Variants in KLHL32 observed in about 807,000 individuals in gnomAD.
KLHL32 encodes the protein kelch like family member 32, also known as kelch-like protein 32.
KLHL32 carries 35 observed loss-of-function variants against 64.8 expected under a neutral mutation model. That is an observed-to-expected ratio of 0.54 (90% CI 0.41 to 0.72). KLHL32 has a LOEUF of 0.72. Among genes scored for constraint, KLHL32 ranks in the 30% least tolerant of loss-of-function variants. The pLI, the probability that KLHL32 is intolerant of heterozygous loss-of-function variation, is 0.00. For missense variants in KLHL32, 589 were observed against 768.5 expected (o/e 0.77, Z 2.76); for synonymous variants, 259 against 281.0 (o/e 0.92, Z 0.78).
chr6:97,046,601 A>G (rs1185293533), intron 4 of KLHL32, among the ~76,000 whole-genome samples: 1 of 152,226 alleles, frequency 6.6e-6, no homozygotes, highest in Non-Finnish European at 1.5e-5. Context: ...TTCTTGAACA[A>G]CATCCAAGAA....
intron 4 of KLHL32, among the ~76,000 whole-genome samples, chr6:97,042,774 A>G (rs1410788899): frequency 6.6e-6 from 1 of 152,262 alleles, no homozygotes; most frequent in East Asian, 1.9e-4. Flanking sequence ...CCTTTGATCA[A>G]CATCTCCCAT....
chr6:97,067,337 A>T (rs531382876), intron 5 of KLHL32, among the ~76,000 whole-genome samples: 155 of 152,328 alleles, frequency 1.0e-3, no homozygotes, highest in Non-Finnish European at 2.1e-3. Flanking sequence ...CTCTGTGTCA[A>T]TGAGGACAGC....
chr6:97,081,454 T>G (rs1376102545), intron 5 of KLHL32, among the ~76,000 whole-genome samples: 3 of 152,212 alleles, frequency 2.0e-5, no homozygotes, highest in Non-Finnish European at 4.4e-5. Flanking sequence ...TGGCTAGCCC[T>G]GGGAGGGGCA....
chr6:97,007,737 A>C (rs1779844781), intron 3 of KLHL32, among the ~76,000 whole-genome samples: 1 of 152,098 alleles, frequency 6.6e-6, no homozygotes. Flanking sequence ...CATTTGTGGA[A>C]GATTTTATGA....
chr6:96,956,111 C>T (rs1331982852), intron 1 of KLHL32, among the ~76,000 whole-genome samples: 1 of 152,130 alleles, frequency 6.6e-6, no homozygotes, highest in Non-Finnish European at 1.5e-5. Context: ...TGCTGGGAAT[C>T]TCCCCTTTTT....
chr6:96,959,265 C>G (rs1286437647), intron 1 of KLHL32, among the ~76,000 whole-genome samples: 1 of 152,146 alleles, frequency 6.6e-6, no homozygotes, highest in Non-Finnish European at 1.5e-5. Context: ...CATCCCAGAC[C>G]TGGAGGTAGT....
the KLHL32 span, among the ~76,000 whole-genome samples, chr6:96,903,530 G>A: frequency 1.3e-5 from 2 of 152,202 alleles, no homozygotes; most frequent in Non-Finnish European, 2.9e-5. Context: ...GAGAGAACCT[G>A]CAAGGAGGCC....
In KLHL32 at chr6:97,140,457, T is replaced by C. The variant is rs138590395; in HGVS notation, c.*1175T>C. The C allele has an allele frequency of 8.0e-4, 121 of 152,198 alleles. No homozygotes were observed. Among genetic ancestry groups the C allele is most frequent in the African/African-American group, 2.9e-3 (120 of 41,576 alleles). The allele number at this position is 152,198 out of a possible 1,614,324, so 9.4% of individuals were successfully genotyped here. Reference sequence around the variant, plus strand: ...CATATTTTATTACTATCTCTTTTAATAATGCATAGGAATTCTTTTTTAGAC... The same window carrying C: ...CATATTTTATTACTATCTCTTTTAACAATGCATAGGAATTCTTTTTTAGAC... On this transcript the variant is annotated 3_prime_UTR_variant, in exon 11 of 11. Coordinates refer to ENST00000369261, the MANE Select transcript of KLHL32 (RefSeq NM_052904.4).
chr6:96,960,220 A>C (rs191566978), intron 1 of KLHL32, among the ~76,000 whole-genome samples: 11 of 152,318 alleles, frequency 7.2e-5, no homozygotes, highest in African/African-American at 2.4e-4. Context: ...TTAACACGAC[A>C]CTGAGAAAGG....
At chr6:96,941,978 G>A (rs1771346372) in intron 1 of KLHL32, among the ~76,000 whole-genome samples, 1 of 152,172 alleles carries the variant, frequency 6.6e-6, no homozygotes, top group Admixed American at 6.5e-5. Context: ...TGGTCTCAGA[G>A]AAAGAATGCA....
the KLHL32 span, among the ~76,000 whole-genome samples, chr6:96,906,442 C>T: frequency 2.6e-5 from 4 of 151,838 alleles, no homozygotes; most frequent in East Asian, 1.9e-4. Context: ...TTAAAATGAT[C>T]GGAAAGAGTC....
chr6:97,010,495 A>G (rs1201566575), intron 3 of KLHL32, among the ~76,000 whole-genome samples: 2 of 152,214 alleles, frequency 1.3e-5, no homozygotes, highest in African/African-American at 4.8e-5. Flanking sequence ...ATTGAATCCT[A>G]TATAGTGCAT....
At chr6:97,020,417 C>A (rs755125608) in intron 3 of KLHL32, among the ~76,000 whole-genome samples, 1 of 150,798 alleles carries the variant, frequency 6.6e-6, no homozygotes, top group Non-Finnish European at 1.5e-5. Flanking sequence ...ATCTTGGTAA[C>A]AAGTTTATAG....
intron 1 of KLHL32, among the ~76,000 whole-genome samples, chr6:96,963,247 G>C (rs1039639429): frequency 1.3e-5 from 2 of 152,140 alleles, no homozygotes; most frequent in African/African-American, 4.8e-5. Context: ...AAAGGAAAAG[G>C]GGTTTGGGGC....
In KLHL32 at chr6:96,965,514, A is replaced by G. The variant is rs540216678; in HGVS notation, c.-65-1482A>G. 1.4e-4 allele frequency among the ~76,000 whole-genome samples: 21 copies of G among 152,318 alleles called. No homozygotes were observed. In the South Asian group the frequency reaches 3.5e-3, roughly 26 times the overall value. On this transcript the variant is annotated intron_variant, in intron 1 of 10. Transcript: ENST00000369261. ...TTTAACTTTAGGATTTTTGCTCTCC[A>G]TTCAGTTGTTGGGAGTGTTTTAAAA...
chr6:96,934,850 T>C (rs1448743432), intron 1 of KLHL32, among the ~76,000 whole-genome samples: 1 of 152,210 alleles, frequency 6.6e-6, no homozygotes, highest in African/African-American at 2.4e-5. Flanking sequence ...TATAATCTTA[T>C]GGGTCATTGA....
At chr6:97,112,893 TAAAC>T (rs1360133014) in intron 6 of KLHL32, among the ~76,000 whole-genome samples, 1 of 150,216 alleles carries the variant, frequency 6.7e-6, no homozygotes, top group Non-Finnish European at 1.5e-5. Context: ...ATAACAAAAT[TAAAC>T]AATAATTTTT....
chr6:97,009,605 T>G (rs1780112931), intron 3 of KLHL32, among the ~76,000 whole-genome samples: 1 of 152,208 alleles, frequency 6.6e-6, no homozygotes. Flanking sequence ...TTGTACATGC[T>G]TTGTTGTTGT....
At chr6:96,996,120 G>T (rs1270206772) in intron 3 of KLHL32, among the ~76,000 whole-genome samples, 1 of 152,174 alleles carries the variant, frequency 6.6e-6, no homozygotes, top group African/African-American at 2.4e-5. Flanking sequence ...CCTGGGCTGC[G>T]GGCCACTCTG....
Sources: allele counts gnomAD v4.1 joint callset (sites outside exome capture counted in the v4.1 genomes callset), GRCh38; gene constraint gnomAD v4.1.1; transcripts MANE v1.5; gene names NCBI Gene and HGNC (gene_info 2026-07-23, HGNC 2026-07-21).